Variants in GALNT17 observed in about 807,000 individuals in gnomAD.
GALNT17 encodes UDP-GalNAc:polypeptide N-acetylgalactosaminyltransferase-like 3.
In GALNT17, 29 loss-of-function variants were observed where a neutral mutation model predicts 63.7. That is an observed-to-expected ratio of 0.46 (90% CI 0.34 to 0.62). The LOEUF is 0.62. Ranked by LOEUF, GALNT17 falls within the 20% of genes least tolerant of loss-of-function variation. The probability of loss-of-function intolerance (pLI) is 0.01; values close to 1 mark genes in which losing one functional copy is unlikely to be tolerated. For missense variants in GALNT17, 603 were observed against 799.6 expected, an observed-to-expected ratio of 0.75 and a Z score of 2.97; for synonymous variants, 305 against 318.3, an observed-to-expected ratio of 0.96 and a Z score of 0.45.
intron 5 of GALNT17, among the ~76,000 whole-genome samples, chr7:71,465,120 G>A (rs1317225982): frequency 6.6e-6 from 1 of 152,182 alleles, no homozygotes; most frequent in Non-Finnish European, 1.5e-5. Flanking sequence ...CAGACATCTA[G>A]GTGGCAGCAA....
intron 5 of GALNT17, among the ~76,000 whole-genome samples, chr7:71,544,289 G>A (rs62459934): frequency 0.037 from 5,095 of 139,454 alleles, 93 homozygotes; most frequent in Middle Eastern, 0.084. Context: ...CCACCACCAC[G>A]CCCGGCTATT....
intron 1 of GALNT17, among the ~76,000 whole-genome samples, chr7:71,299,282 G>A (rs1214422911): frequency 3.9e-5 from 6 of 152,140 alleles, no homozygotes; most frequent in African/African-American, 7.2e-5. Context: ...GTTTTAATCC[G>A]CTGGGACTAA....
rs1791806854 is a variant in GALNT17 at position 71,712,260 on chromosome 7, G to GC, written c.*120dup. ...CAAGGGGCCGGCAGGTGCTCGATGG[G>GC]CCCCCCAGGGCTTCTCCAGGGCAGC... is the stretch of plus-strand genomic sequence containing the variant. On this transcript the variant is annotated 3_prime_UTR_variant, in exon 11 of 11. Transcript: ENST00000333538. 6 of 1,436,204 alleles carry GC rather than the reference G, an allele frequency of 4.2e-6. No individual in the cohort carries two copies. The highest frequency in any genetic ancestry group is 5.5e-6 in the Non-Finnish European group (6 of 1,085,250). The allele number at this position is 1,436,204 out of a possible 1,614,324, so 89.0% of individuals were successfully genotyped here.
At chr7:71,590,117 A>G (rs772128117) in intron 6 of GALNT17, among the ~76,000 whole-genome samples, 2 of 152,202 alleles carry the variant, frequency 1.3e-5, no homozygotes, top group Non-Finnish European at 2.9e-5. Flanking sequence ...TTGAAACAGC[A>G]TGAAATTGGA....
rs1051746422 is a variant in GALNT17 at position 71,707,570 on chromosome 7, A to G, written c.1501-3191A>G. Among the ~76,000 whole-genome samples the G allele has an allele frequency of 2.0e-5, 3 of 152,178 alleles. No homozygotes were observed. The South Asian group carries it at 6.2e-4, about 32-fold the overall frequency. ...TGCATTTTTTATTGCTCACGAGTCT[A>G]CAGGTCAGCTGGATGGTTCTCTGAT... On this transcript the variant is annotated intron_variant, in intron 9 of 10. Coordinates refer to ENST00000333538, the MANE Select transcript of GALNT17 (RefSeq NM_022479.3).
intron 5 of GALNT17, among the ~76,000 whole-genome samples, chr7:71,438,015 G>A (rs1234182021): frequency 6.6e-6 from 1 of 152,144 alleles, no homozygotes; most frequent in Non-Finnish European, 1.5e-5. Context: ...ACTTGGCAAA[G>A]AGACCTGTTT....
intron 2 of GALNT17, among the ~76,000 whole-genome samples, chr7:71,340,700 T>G (rs1563016951): frequency 6.6e-6 from 1 of 151,428 alleles, no homozygotes; most frequent in Non-Finnish European, 1.5e-5. Flanking sequence ...TAGAATGTTT[T>G]GTTTTGTTTA....
At chr7:71,539,285 A>G (rs1053048305) in intron 5 of GALNT17, among the ~76,000 whole-genome samples, 13 of 152,078 alleles carry the variant, frequency 8.5e-5, no homozygotes, top group African/African-American at 3.1e-4. Flanking sequence ...GGCGCTTGGC[A>G]TGGGGAGCTT....
At chr7:71,605,998 G>T (rs1346840683) in intron 6 of GALNT17, among the ~76,000 whole-genome samples, 2 of 152,158 alleles carry the variant, frequency 1.3e-5, no homozygotes, top group Non-Finnish European at 2.9e-5. Flanking sequence ...GGAGTGCAGT[G>T]CTGTGATCTC....
chr7:71,525,744 T>C (rs1440569247), intron 5 of GALNT17, among the ~76,000 whole-genome samples: 4 of 143,476 alleles, frequency 2.8e-5, no homozygotes, highest in Non-Finnish European at 4.6e-5. Flanking sequence ...TTCTTTTTTT[T>C]TTTTTTTTTT....
intron 1 of GALNT17, among the ~76,000 whole-genome samples, chr7:71,282,149 A>G (rs1313729557): frequency 6.6e-6 from 1 of 152,146 alleles, no homozygotes; most frequent in African/African-American, 2.4e-5. Flanking sequence ...TGAAATCCCA[A>G]AACCCATTCA....
intron 5 of GALNT17, among the ~76,000 whole-genome samples, chr7:71,559,187 A>G (rs2116848969): frequency 6.6e-6 from 1 of 152,300 alleles, no homozygotes; most frequent in Non-Finnish European, 1.5e-5. Context: ...TGGTATTTAT[A>G]TGTATAGCAG....
chr7:71,550,790 T>G (rs1018957840), intron 5 of GALNT17, among the ~76,000 whole-genome samples: 1 of 152,180 alleles, frequency 6.6e-6, no homozygotes, highest in Non-Finnish European at 1.5e-5. Flanking sequence ...TTTAGAAGAT[T>G]TTAATTTTTT....
chr7:71,424,327 AC>A, intron 5 of GALNT17, among the ~76,000 whole-genome samples: 1 of 152,300 alleles, frequency 6.6e-6, no homozygotes, highest in Admixed American at 6.5e-5. Context: ...ACACTGATAC[AC>A]GGGAGACTGG....
At chr7:71,579,723 A>T (rs1374075430) in intron 6 of GALNT17, among the ~76,000 whole-genome samples, 1 of 152,174 alleles carries the variant, frequency 6.6e-6, no homozygotes. Flanking sequence ...GGGGGAAGAA[A>T]ACCTCTTAGA....
At chr7:71,583,079 C>G (rs1789660280) in intron 6 of GALNT17, among the ~76,000 whole-genome samples, 1 of 152,122 alleles carries the variant, frequency 6.6e-6, no homozygotes, top group Non-Finnish European at 1.5e-5. Flanking sequence ...ATGTTTACAA[C>G]TTTCACATCT....
intron 6 of GALNT17, among the ~76,000 whole-genome samples, chr7:71,655,156 G>A (rs1245555497): frequency 6.6e-6 from 1 of 152,098 alleles, no homozygotes; most frequent in Non-Finnish European, 1.5e-5. Context: ...TCGGGAGGCT[G>A]GGGCAGGAGG....
At chr7:71,547,253 C>T (rs959427734) in intron 5 of GALNT17, among the ~76,000 whole-genome samples, 3 of 152,066 alleles carry the variant, frequency 2.0e-5, no homozygotes, top group African/African-American at 7.2e-5. Flanking sequence ...CAACCTCTCC[C>T]TCCCGAGTTC....
intron 2 of GALNT17, among the ~76,000 whole-genome samples, chr7:71,378,334 C>A (rs147981412): frequency 9.2e-5 from 14 of 152,226 alleles, no homozygotes; most frequent in Admixed American, 3.9e-4. Context: ...CAACCCCCAT[C>A]TCATTTTGCA....
Sources: gnomAD v4.1 joint callset for allele counts (sites outside exome capture counted in the v4.1 genomes callset) on GRCh38, gnomAD v4.1.1 for gene constraint, MANE v1.5 for transcripts, NCBI Gene and HGNC (gene_info 2026-07-23, HGNC 2026-07-21) for gene names.